The following TMEM131 variants were observed in gnomAD, a reference collection of about 807,000 sequenced individuals.
TMEM131 encodes the protein transmembrane protein 131.
TMEM131 carries 66 observed loss-of-function variants against 211.6 expected under a neutral mutation model. The observed-to-expected ratio is 0.31, with a 90% CI of 0.26 to 0.38. The LOEUF (loss-of-function observed/expected upper bound fraction) is 0.38. Among genes scored for constraint, TMEM131 ranks in the 10% least tolerant of loss-of-function variants. TMEM131 has a pLI of 1.00. For synonymous variants in TMEM131, 844 were observed against 841.3 expected (o/e 1.00, Z -0.06); for missense variants, 2,036 against 2,299.3 (o/e 0.89, Z 2.34).
At chr2:97,865,630 T>C (rs1388646519) in intron 4 of TMEM131, among the ~76,000 whole-genome samples, 1 of 152,222 alleles carries the variant, frequency 6.6e-6, no homozygotes, top group African/African-American at 2.4e-5. Context: ...CTAGATTCTT[T>C]TTATAATCTA....
chr2:97,974,392 G>C (rs960043847), intron 1 of TMEM131, among the ~76,000 whole-genome samples: 7 of 152,002 alleles, frequency 4.6e-5, no homozygotes, highest in African/African-American at 1.7e-4. Flanking sequence ...CCTCAAAATG[G>C]GGTTGGGAGG....
rs773707265 is a variant in TMEM131 at position 97,805,576 on chromosome 2, T to C, written c.2183A>G (p.Asp728Gly). Residue 728 changes from aspartate (D) to glycine (G), a missense_variant, in exon 20 of 41, where the codon GAC (aspartate) becomes GGC (glycine). Around this residue, in one of 3 missense-constraint regions of TMEM131, gnomAD observed 1,623 missense variants for 1,805.9 expected, o/e 0.90. Coordinates refer to ENST00000186436, the MANE Select transcript of TMEM131 (RefSeq NM_015348.2). ...CTTTGATTTTTTTCCTGGCTCCAAG[T>C]CTTCCTTATTGCCCCGTAATCGTTT... ...YYKRLRGNKE[D>G]LEPGKKSKIA... 1.2e-6 allele frequency: 2 copies of C among 1,609,640 alleles called. No homozygotes were observed. Among genetic ancestry groups the C allele is most frequent in the African/African-American group, 2.7e-5 (2 of 74,904 alleles).
intron 31 of TMEM131, among the ~76,000 whole-genome samples, chr2:97,779,094 CAGAGA>C (rs1254194598): frequency 1.3e-5 from 2 of 152,210 alleles, no homozygotes. Context: ...CCCCACCCCT[CAGAGA>C]GATTCTGACT....
chr2:97,838,786 G>A (rs992094456), intron 7 of TMEM131, among the ~76,000 whole-genome samples: 5 of 152,152 alleles, frequency 3.3e-5, no homozygotes, highest in South Asian at 2.1e-4. Flanking sequence ...GGCAGGGGCC[G>A]GGGAGTTGCT....
At position 97,760,835 on chromosome 2, in the gene TMEM131, G is replaced by A; in HGVS notation, c.4969C>T (p.Pro1657Ser). The change falls in exon 37 of 41, where the codon CCC becomes TCC. Residue 1657 changes from proline to serine, a missense_variant. Pro to Ser is a moderately conservative substitution (Grantham distance 74). Coordinates refer to ENST00000186436, the MANE Select transcript of TMEM131 (RefSeq NM_015348.2). The part of the protein sequence containing the change: ...AASLPGKNGN[P>S]TFAAVTAGYD... The stretch of plus-strand genomic sequence containing the variant: ...CCAGCCGTGACTGCAGCAAAAGTGG[G>A]GTTGCCGTTCTTGCCCGGGAGCGAG... 1.2e-6 allele frequency: 2 copies of A among 1,614,044 alleles called. No homozygotes were observed. Among genetic ancestry groups the A allele is most frequent in the Non-Finnish European group, 1.7e-6 (2 of 1,179,904 alleles).
Position 97,766,130 on chromosome 2 carries a change from A to C in TMEM131, c.4707T>G (p.Val1569=). The C allele has an allele frequency of 6.2e-7, 1 of 1,613,998 alleles. No homozygotes were observed. ...SPPPEWDSVP[V]HKPGSSTDSL... ...TATACTTACAGCTGCCAGGTTTGTG[A>C]ACTGGAACGGAATCCCACTCCGGTG... The change falls in exon 35 of 41, where the codon GTT becomes GTG. Residue 1569 remains valine, a synonymous_variant. Coordinates refer to ENST00000186436, the MANE Select transcript of TMEM131 (RefSeq NM_015348.2).
chr2:97,804,944 C>T (rs1252122903), intron 22 of TMEM131, 144 bp downstream of exon 22: 2 of 548,390 alleles, frequency 3.6e-6, no homozygotes, highest in Non-Finnish European at 6.4e-6. Flanking sequence ...TTTAAGATGC[C>T]TCACTAATAA....
Position 97,760,778 on chromosome 2 carries a change from A to T in TMEM131, c.5011+15T>A, listed in dbSNP as rs767285986. Reference sequence around the variant, plus strand: ...GGCGCCTGGCGTGGCAGGTCTCTGAAGCAAAGGCACTGACCTGGGCTCTTG... The same window carrying T: ...GGCGCCTGGCGTGGCAGGTCTCTGATGCAAAGGCACTGACCTGGGCTCTTG... On this transcript the variant is annotated intron_variant, in intron 37 of 40. Transcript: ENST00000186436. The T allele has an allele frequency of 1.2e-6, 2 of 1,613,842 alleles. No individual in the cohort carries two copies. The highest frequency in any genetic ancestry group is 2.2e-5 in the South Asian group (2 of 91,086).
At chr2:97,798,105 T>A (rs1419153628) in intron 25 of TMEM131, among the ~76,000 whole-genome samples, 1 of 152,230 alleles carries the variant, frequency 6.6e-6, no homozygotes, top group Non-Finnish European at 1.5e-5. Context: ...TGAATCTTAT[T>A]TTGAAGGTTA....
intron 4 of TMEM131, among the ~76,000 whole-genome samples, chr2:97,865,047 T>G (rs1420020182): frequency 2.6e-5 from 4 of 152,212 alleles, no homozygotes; most frequent in African/African-American, 9.6e-5. Flanking sequence ...TTAAGAGTGG[T>G]GACAAATATG....
chr2:97,792,582 C>CA lies in TMEM131; in HGVS notation c.3947_3948insT (p.Gln1317AlafsTer3). ...GGGCGGGAGACAGCCTTTCAGGCTG[C>CA]GGCTCCTGGGGCTGAGGCACTGGCG... On this transcript the variant is annotated frameshift_variant, in exon 31 of 41. Coordinates refer to ENST00000186436, the MANE Select transcript of TMEM131 (RefSeq NM_015348.2). LOFTEE classifies it high-confidence loss of function. The CA allele has an allele frequency of 6.2e-7, 1 of 1,612,778 alleles. No homozygotes were observed. Among genetic ancestry groups the CA allele is most frequent in the Non-Finnish European group, 8.5e-7 (1 of 1,179,434 alleles).
At chr2:97,845,637 T>G (rs551762596) in intron 5 of TMEM131, among the ~76,000 whole-genome samples, 71 of 152,000 alleles carry the variant, frequency 4.7e-4, no homozygotes, top group Non-Finnish European at 8.1e-4. Context: ...AACAGAAATG[T>G]TTCACATCAA....
chr2:97,821,232 CTCTAAAGG>C (rs1682105508), intron 11 of TMEM131, among the ~76,000 whole-genome samples: 1 of 152,008 alleles, frequency 6.6e-6, no homozygotes, highest in African/African-American at 2.4e-5. Context: ...AGCACTCTGT[CTCTAAAGG>C]ACTGTAAATG....
intron 1 of TMEM131, among the ~76,000 whole-genome samples, chr2:97,989,523 A>G (rs556870917): frequency 2.1e-3 from 180 of 84,352 alleles, no homozygotes; most frequent in Non-Finnish European, 3.5e-3. Context: ...CTTTACATGA[A>G]GAAGTTCTGA....
chr2:97,831,863 C>T (rs1049882650), intron 11 of TMEM131, among the ~76,000 whole-genome samples: 12 of 151,206 alleles, frequency 7.9e-5, no homozygotes, highest in African/African-American at 2.2e-4. Flanking sequence ...GACAGGGTTT[C>T]GCCATGTTGG....
intron 33 of TMEM131, among the ~76,000 whole-genome samples, chr2:97,767,167 G>A (rs1573326414): frequency 6.6e-6 from 1 of 152,254 alleles, no homozygotes; most frequent in Middle Eastern, 3.4e-3. Flanking sequence ...CCTTATTCTT[G>A]AACTCAGGGT....
intron 5 of TMEM131, among the ~76,000 whole-genome samples, chr2:97,850,356 T>G (rs1249537038): frequency 6.6e-6 from 1 of 152,132 alleles, no homozygotes; most frequent in East Asian, 1.9e-4. Flanking sequence ...GGAGAAAAAC[T>G]AACTTATTCT....
At chr2:97,805,748 A>C (rs2104940444) in intron 19 of TMEM131, 45 bp from the exon 20 acceptor site, 1 of 1,516,224 alleles carries the variant, frequency 6.6e-7, no homozygotes, top group East Asian at 2.3e-5. Context: ...ATATGGTTAA[A>C]TTTTCTTAAG....
rs749543277 is a variant in TMEM131 at position 97,834,828 on chromosome 2, G to A, written c.902C>T (p.Ala301Val). The A allele has an allele frequency of 6.2e-7, 1 of 1,613,810 alleles. No individual in the cohort carries two copies. Among genetic ancestry groups the A allele is most frequent in the Non-Finnish European group, 8.5e-7 (1 of 1,179,808 alleles). The change falls in exon 9 of 41, where the codon GCT becomes GTT. Residue 301 changes from alanine (A) to valine (V), a missense_variant. Ala to Val is a moderately conservative substitution (Grantham distance 64). Coordinates refer to ENST00000186436, the MANE Select transcript of TMEM131 (RefSeq NM_015348.2). ...HTAFIRIKTN[A>V]SDSTEFIILP... ...AATGATAAACTCTGTGCTGTCTGAA[G>A]CATTAGTCTTTATTCTTATGAAGGC...
Sources: allele counts gnomAD v4.1 joint callset (sites outside exome capture counted in the v4.1 genomes callset), GRCh38; gene constraint gnomAD v4.1.1; regional missense constraint gnomAD v4.1.1; transcripts MANE v1.5; gene names NCBI Gene and HGNC (gene_info 2026-07-23, HGNC 2026-07-21).